LRRC4C: variants seen among roughly 807,000 people sequenced by gnomAD.
LRRC4C encodes the protein leucine rich repeat containing 4C.
A neutral mutation model predicts 33.6 loss-of-function variants in LRRC4C; 5 were observed. The observed-to-expected ratio is 0.15, with a 90% CI of 0.08 to 0.31. The LOEUF (loss-of-function observed/expected upper bound fraction) is 0.31, where lower values mean the gene tolerates loss of function less well. Among genes scored for constraint, LRRC4C ranks in the 10% least tolerant of loss-of-function variants. The pLI is 1.00. For synonymous variants in LRRC4C, 329 were observed against 302.0 expected (o/e 1.09, Z -0.93); for missense variants, 560 against 796.7 (o/e 0.70, Z 3.58).
chr11:40,552,345 G>C (rs1380536731), intron 3 of LRRC4C, among the ~76,000 whole-genome samples: 1 of 152,170 alleles, frequency 6.6e-6, no homozygotes, highest in African/African-American at 2.4e-5. Context: ...AACTGAGTGG[G>C]AATTCGAACC....
chr11:41,264,095 A>ATTT lies in LRRC4C; in HGVS notation c.-496+195333_-496+195335dup, dbSNP rs371070496. 3.6e-3 allele frequency among the ~76,000 whole-genome samples: 507 copies of ATTT among 142,744 alleles called. 4 individuals are homozygous for ATTT. The highest frequency in any genetic ancestry group is 0.012 in the African/African-American group (475 of 38,666). 93.6% of individuals were successfully genotyped at this position (142,744 alleles called of 152,430 possible). A position where few individuals can be genotyped will look rare whatever the true frequency, so the allele number is the denominator to read the frequency against. ...ATACATACAAATTTCCTTTTTATTA[A>ATTT]TTTTTTTTTTTTTTTGAGATGGAGT... On this transcript the variant is annotated intron_variant, in intron 1 of 6. Transcript: ENST00000528697.
chr11:40,815,863 TAGAG>T (rs1251002807), intron 2 of LRRC4C, among the ~76,000 whole-genome samples: 1 of 152,262 alleles, frequency 6.6e-6, no homozygotes, highest in East Asian at 1.9e-4. Flanking sequence ...TGTGTTCTAA[TAGAG>T]AAATGACCTA....
intron 1 of LRRC4C, among the ~76,000 whole-genome samples, chr11:41,409,013 A>C (rs1340946708): frequency 6.6e-6 from 1 of 152,140 alleles, no homozygotes; most frequent in South Asian, 2.1e-4. Flanking sequence ...TTTCCGGGTC[A>C]CTGTGTGCAG....
chr11:40,593,558 T>G (rs1343277236), intron 3 of LRRC4C, among the ~76,000 whole-genome samples: 1 of 152,112 alleles, frequency 6.6e-6, no homozygotes, highest in Non-Finnish European at 1.5e-5. Flanking sequence ...CATGCAGGGA[T>G]GTAGTGAGAA....
intron 1 of LRRC4C, among the ~76,000 whole-genome samples, chr11:41,076,019 C>G (rs961579839): frequency 3.3e-5 from 5 of 152,156 alleles, no homozygotes; most frequent in Non-Finnish European, 5.9e-5. Context: ...GATGTCTAAA[C>G]ATTAAAGTGC....
chr11:40,857,946 AGAAAGGGAAAGGGAAAGG>A (rs59485681), intron 2 of LRRC4C, among the ~76,000 whole-genome samples: 197 of 45,102 alleles, frequency 4.4e-3, no homozygotes, highest in Non-Finnish European at 0.01. Context: ...AGGAAAGGAA[AGAAAGGGAAAGGGAAAGG>A]GAAAGGGAAA....
chr11:40,721,745 T>C (rs966380910), intron 2 of LRRC4C, among the ~76,000 whole-genome samples: 7 of 151,492 alleles, frequency 4.6e-5, no homozygotes, highest in South Asian at 2.1e-4. Context: ...GGTCAGGAGA[T>C]GGAGACCATC....
intron 3 of LRRC4C, among the ~76,000 whole-genome samples, chr11:40,326,375 A>C (rs1460162333): frequency 1.3e-5 from 2 of 152,068 alleles, no homozygotes; most frequent in African/African-American, 2.4e-5. Context: ...CAGCCTGGAC[A>C]TGATGGTGAA....
chr11:41,425,525 C>T (rs953076111), intron 1 of LRRC4C, among the ~76,000 whole-genome samples: 2 of 151,940 alleles, frequency 1.3e-5, no homozygotes, highest in Admixed American at 6.6e-5. Flanking sequence ...GCAAGACCTC[C>T]GTCTAATTTC....
rs75854660 is a variant in LRRC4C at position 41,289,417 on chromosome 11, A to G, written c.-496+170014T>C. Among the ~76,000 whole-genome samples, 446 of 152,310 alleles carry G rather than the reference A, an allele frequency of 2.9e-3. 7 individuals are homozygous for G. Among genetic ancestry groups the G allele is most frequent in the East Asian group, 0.019 (97 of 5,176 alleles). On this transcript the variant is annotated intron_variant, in intron 1 of 6. Coordinates refer to ENST00000528697, the MANE Select transcript of LRRC4C (RefSeq NM_001258419.2). ...CTAAAAATTTGTATGTTGAAGCACT[A>G]ACGGTTAACATAACTGTATTTGGAG... is the stretch of plus-strand genomic sequence containing the variant.
chr11:40,510,678 G>T (rs1212922159), intron 3 of LRRC4C, among the ~76,000 whole-genome samples: 1 of 152,108 alleles, frequency 6.6e-6, no homozygotes, highest in African/African-American at 2.4e-5. Context: ...AGCCTAAATA[G>T]CAACTCACAA....
chr11:41,157,947 T>G (rs1291239960), intron 1 of LRRC4C, among the ~76,000 whole-genome samples: 4 of 152,118 alleles, frequency 2.6e-5, no homozygotes, highest in African/African-American at 9.7e-5. Context: ...AAATTATTAT[T>G]GATTATATTC....
chr11:41,161,203 A>G (rs981370439), intron 1 of LRRC4C, among the ~76,000 whole-genome samples: 1 of 152,240 alleles, frequency 6.6e-6, no homozygotes, highest in Non-Finnish European at 1.5e-5. Context: ...TTCCATAGTC[A>G]GTATAGAAAT....
chr11:41,197,892 T>G (rs1946248032), intron 1 of LRRC4C, among the ~76,000 whole-genome samples: 1 of 152,048 alleles, frequency 6.6e-6, no homozygotes, highest in Admixed American at 6.6e-5. Flanking sequence ...TGGAAAATGC[T>G]CAGTAAATGA....
chr11:41,177,222 C>T (rs1427106669), intron 1 of LRRC4C, among the ~76,000 whole-genome samples: 2 of 152,092 alleles, frequency 1.3e-5, no homozygotes, highest in Non-Finnish European at 2.9e-5. Flanking sequence ...AGACTGAAGA[C>T]TGAGTGGTAC....
chr11:40,193,429 A>G (rs564918305), intron 5 of LRRC4C, among the ~76,000 whole-genome samples: 2 of 152,360 alleles, frequency 1.3e-5, no homozygotes, highest in Admixed American at 1.3e-4. Context: ...AAGGATGACC[A>G]TGCAAAAACC....
intron 3 of LRRC4C, among the ~76,000 whole-genome samples, chr11:40,380,122 C>G (rs371314426): frequency 4.0e-4 from 61 of 152,228 alleles, no homozygotes; most frequent in African/African-American, 1.4e-3. Context: ...GAAAAATAAC[C>G]CTTTTTTGTG....
At chr11:40,371,417 G>A (rs1035455516) in intron 3 of LRRC4C, among the ~76,000 whole-genome samples, 3 of 152,122 alleles carry the variant, frequency 2.0e-5, no homozygotes, top group Non-Finnish European at 4.4e-5. Context: ...CCATAGGCAT[G>A]GACTTTGCAG....
At chr11:40,157,577 T>A (rs1858810106) in intron 5 of LRRC4C, among the ~76,000 whole-genome samples, 2 of 151,244 alleles carry the variant, frequency 1.3e-5, no homozygotes, top group Admixed American at 1.3e-4. Flanking sequence ...AAACAAACAA[T>A]CCCATCAAAA....
Sources: allele counts gnomAD v4.1 joint callset (sites outside exome capture counted in the v4.1 genomes callset), GRCh38; gene constraint gnomAD v4.1.1; transcripts MANE v1.5; gene names NCBI Gene and HGNC (gene_info 2026-07-23, HGNC 2026-07-21).